CCT7: variants seen among roughly 807,000 people sequenced by gnomAD.
CCT7 encodes T-complex protein 1 subunit eta.
In CCT7, 16 loss-of-function variants were observed where a neutral mutation model predicts 56.6. That is an observed-to-expected ratio of 0.28 (90% CI 0.19 to 0.43). The LOEUF (loss-of-function observed/expected upper bound fraction) is 0.43, where lower values mean the gene tolerates loss of function less well. Ranked by LOEUF, CCT7 falls within the 20% of genes least tolerant of loss-of-function variation. CCT7 has a pLI of 1.00. For synonymous variants in CCT7, 262 were observed against 254.8 expected, an observed-to-expected ratio of 1.03 and a Z score of -0.27; for missense variants, 519 against 685.6, an observed-to-expected ratio of 0.76 and a Z score of 2.71.
chr2:73,244,891 G>C (rs1052353973), intron 6 of CCT7, among the ~76,000 whole-genome samples, 176 bp downstream of exon 6: 1 of 152,128 alleles, frequency 6.6e-6, no homozygotes, highest in East Asian at 1.9e-4. Flanking sequence ...GATGAACTTG[G>C]TAACCTCTGT....
At position 73,252,507 on chromosome 2, in the gene CCT7, A is replaced by C. The variant is rs140875965; in HGVS notation, c.1411-133A>C. 67 of 680,246 alleles carry C rather than the reference A, an allele frequency of 9.8e-5. 1 individual carries two copies. The East Asian group carries it at 1.8e-3, about 18-fold the overall frequency. The allele number at this position is 680,246 out of a possible 1,614,324, so 42.1% of individuals were successfully genotyped here. On this transcript the variant is annotated intron_variant, in intron 11 of 11. Coordinates refer to ENST00000258091, the MANE Select transcript of CCT7 (RefSeq NM_006429.4). ...TCCTGGCATGCTCATAGGAAGATGC[A>C]GTATTCTTCAGCGAAATGCCACCAA...
intron 4 of CCT7, 79 bp from the exon 5 acceptor site, chr2:73,243,918 A>G (rs1687219187): frequency 3.1e-6 from 4 of 1,299,920 alleles, no homozygotes; most frequent in South Asian, 1.2e-5. Flanking sequence ...GAACAGACTC[A>G]GGACTATTGA....
chr2:73,236,189 C>T (rs1310293180), intron 1 of CCT7, among the ~76,000 whole-genome samples: 1 of 152,222 alleles, frequency 6.6e-6, no homozygotes, highest in Non-Finnish European at 1.5e-5. Flanking sequence ...CGCTGTGTGC[C>T]TTGGCATAGA....
At position 73,247,787 on chromosome 2, in the gene CCT7, C is replaced by G; in HGVS notation, c.644C>G (p.Ala215Gly). ...LEDSQLVAGV[A>G]FKKTFSYAGF... The stretch of plus-strand genomic sequence containing the variant: ...GATTCTCAGCTGGTAGCTGGTGTTG[C>G]ATTCAAGAAGACTTTCTCTTACGCT... The change falls in exon 7 of 12, where the codon GCA becomes GGA. Residue 215 changes from alanine (A) to glycine (G), a missense_variant. By Grantham distance (60) the Ala-to-Gly change is moderately conservative. Around this residue, in one of 3 missense-constraint regions of CCT7, gnomAD observed 276 missense variants for 357.3 expected, o/e 0.77. Transcript: ENST00000258091. 1.2e-6 allele frequency: 2 copies of G among 1,613,918 alleles called. No individual in the cohort carries two copies. Among genetic ancestry groups the G allele is most frequent in the Non-Finnish European group, 1.7e-6 (2 of 1,179,850 alleles).
chr2:73,243,957 C>G (rs1449972649), intron 4 of CCT7, 40 bp from the exon 5 acceptor site: 1 of 1,600,710 alleles, frequency 6.2e-7, no homozygotes, highest in Admixed American at 1.7e-5. Flanking sequence ...AGCAGTTTGT[C>G]TTTAGCATGA....
chr2:73,240,765 T>C (rs1687071765), intron 3 of CCT7, among the ~76,000 whole-genome samples: 1 of 152,234 alleles, frequency 6.6e-6, no homozygotes, highest in Non-Finnish European at 1.5e-5. Flanking sequence ...CAACAGTCTT[T>C]AGATATAAGT....
intron 1 of CCT7, chr2:73,238,958 A>G (rs1686991701): frequency 6.6e-6 from 1 of 152,282 alleles, no homozygotes; most frequent in African/African-American, 2.4e-5. Flanking sequence ...AGAAAGAGGA[A>G]AACTTCTTTG....
intron 3 of CCT7, 83 bp from the exon 4 acceptor site, chr2:73,242,921 T>C (rs1687176305): frequency 6.6e-7 from 1 of 1,525,812 alleles, no homozygotes; most frequent in Non-Finnish European, 9.0e-7. Flanking sequence ...TCAGTTTAAA[T>C]GGGTAGCGTG....
intron 5 of CCT7, 92 bp from the exon 6 acceptor site, chr2:73,244,452 A>G: frequency 8.9e-7 from 1 of 1,122,918 alleles, no homozygotes; most frequent in Non-Finnish European, 1.3e-6. Flanking sequence ...GAGTTTAGAG[A>G]CTGGAAGGGA....
intron 3 of CCT7, 94 bp from the exon 4 acceptor site, chr2:73,242,910 T>G: frequency 6.9e-7 from 1 of 1,451,678 alleles, no homozygotes; most frequent in Non-Finnish European, 9.5e-7. Context: ...TTAAATAATA[T>G]TCAGTTTAAA....
intron 3 of CCT7, 37 bp from the exon 4 acceptor site, chr2:73,242,967 C>T (rs374653934): frequency 9.5e-5 from 153 of 1,612,316 alleles, no homozygotes; most frequent in Non-Finnish European, 1.3e-4. Context: ...ATTCCCTGAA[C>T]ATCAGAAAAC....
intron 7 of CCT7, 149 bp downstream of exon 7, chr2:73,248,075 C>CTG: frequency 1.4e-6 from 1 of 706,112 alleles, no homozygotes; most frequent in African/African-American, 1.8e-5. Flanking sequence ...TTTCCATACT[C>CTG]TGTGTTCTCC....
Position 73,247,798 on chromosome 2 carries a change from A to G in CCT7, c.655A>G (p.Thr219Ala), listed in dbSNP as rs1558568133. The change falls in exon 7 of 12, where the codon ACT becomes GCT. Residue 219 changes from threonine to alanine, a missense_variant. This residue lies in a region of CCT7 where 276 missense variants were observed against 357.3 expected (regional missense o/e 0.77). Transcript: ENST00000258091. ...QLVAGVAFKK[T>A]FSYAGFEMQP... Reference sequence around the variant, plus strand: ...GGTAGCTGGTGTTGCATTCAAGAAGACTTTCTCTTACGCTGGGTTTGAAAT... The same window carrying G: ...GGTAGCTGGTGTTGCATTCAAGAAGGCTTTCTCTTACGCTGGGTTTGAAAT... 6.2e-7 allele frequency: 1 copy of G among 1,614,148 alleles called. No individual in the cohort carries two copies. The highest frequency in any genetic ancestry group is 8.5e-7 in the Non-Finnish European group (1 of 1,179,998).
chr2:73,249,807 C>T lies in CCT7; in HGVS notation c.973-12C>T, dbSNP rs760255803. The T allele has an allele frequency of 6.2e-7, 1 of 1,600,422 alleles. No individual in the cohort carries two copies. The highest frequency in any genetic ancestry group is 1.7e-5 in the Admixed American group (1 of 60,010). The stretch of plus-strand genomic sequence containing the variant: ...ACCTTCACTGCTAGATCTTGCCTTC[C>T]TTGCTCCCTAGGCCTGTGGAGGCTC... On this transcript the variant is annotated splice_polypyrimidine_tract_variant and intron_variant, in intron 8 of 11. Coordinates refer to ENST00000258091, the MANE Select transcript of CCT7 (RefSeq NM_006429.4).
chr2:73,239,903 G>T (rs867254057), intron 2 of CCT7, 107 bp downstream of exon 2: 5 of 941,562 alleles, frequency 5.3e-6, no homozygotes, highest in East Asian at 2.6e-5. Context: ...TTTTAAGATC[G>T]TTGAAAGATG....
chr2:73,241,942 T>C (rs1443703081), intron 3 of CCT7, among the ~76,000 whole-genome samples: 1 of 152,098 alleles, frequency 6.6e-6, no homozygotes, highest in Admixed American at 6.5e-5. Flanking sequence ...GGTTTCACCA[T>C]GTTGGCCAGG....
chr2:73,243,069 T>C lies in CCT7; in HGVS notation c.333T>C (p.Tyr111=), dbSNP rs1396654782. ...AAEFLKQVKP[Y]VEEGLHPQII... Reference sequence around the variant, plus strand: ...AGTTTCTGAAGCAGGTGAAACCCTATGTGGAGGAAGGTTTACACCCCCAGA... The same window carrying C: ...AGTTTCTGAAGCAGGTGAAACCCTACGTGGAGGAAGGTTTACACCCCCAGA... The change falls in exon 4 of 12, where the codon TAT becomes TAC. Residue 111 remains tyrosine, a synonymous_variant. Transcript: ENST00000258091. The C allele has an allele frequency of 1.2e-6, 2 of 1,613,886 alleles. No individual in the cohort carries two copies. Among genetic ancestry groups the C allele is most frequent in the Non-Finnish European group, 1.7e-6 (2 of 1,179,900 alleles).
chr2:73,242,335 T>A (rs1337466580), intron 3 of CCT7, among the ~76,000 whole-genome samples: 4 of 152,034 alleles, frequency 2.6e-5, no homozygotes, highest in Non-Finnish European at 4.4e-5. Flanking sequence ...GCTGGAGTGC[T>A]GTGGTGCGAT....
At chr2:73,237,025 AGCT>A (rs941675290) in intron 1 of CCT7, among the ~76,000 whole-genome samples, 13 of 152,218 alleles carry the variant, frequency 8.5e-5, no homozygotes, top group African/African-American at 3.1e-4. Flanking sequence ...CAGCCCCAAA[AGCT>A]GCTGAATATT....
Sources: gnomAD v4.1 joint callset for allele counts (sites outside exome capture counted in the v4.1 genomes callset) on GRCh38, gnomAD v4.1.1 for gene constraint, gnomAD v4.1.1 regional missense constraint, MANE v1.5 for transcripts, NCBI Gene and HGNC (gene_info 2026-07-23, HGNC 2026-07-21) for gene names.